Variants in GPC5 observed in about 807,000 individuals in gnomAD.
GPC5 encodes glypican 5, also known as glypican-5.
Under a neutral mutation model 53.9 loss-of-function variants are expected in GPC5, and 47 were observed. That is an observed-to-expected ratio of 0.87 (90% CI 0.69 to 1.11). The LOEUF (loss-of-function observed/expected upper bound fraction) is 1.11, where lower values mean the gene tolerates loss of function less well. Ranked by LOEUF, GPC5 falls within the 50% of genes most tolerant of loss-of-function variation. GPC5 has a pLI of 0.00. For missense variants in GPC5, 748 were observed against 713.1 expected (o/e 1.05, Z -0.56); for synonymous variants, 286 against 263.3 (o/e 1.09, Z -0.84).
intron 7 of GPC5, among the ~76,000 whole-genome samples, chr13:92,823,274 T>C (rs147470538): frequency 3.9e-5 from 6 of 152,262 alleles, no homozygotes; most frequent in African/African-American, 9.6e-5. Context: ...AAGCATTCTT[T>C]CTAAATGTCA....
At chr13:92,662,230 CTT>C (rs1886371167) in intron 7 of GPC5, among the ~76,000 whole-genome samples, 1 of 152,158 alleles carries the variant, frequency 6.6e-6, no homozygotes, top group South Asian at 2.1e-4. Flanking sequence ...AACCCCCACT[CTT>C]TCTCTCTTTC....
chr13:91,879,172 A>G (rs755338896), intron 5 of GPC5, among the ~76,000 whole-genome samples: 8 of 152,054 alleles, frequency 5.3e-5, no homozygotes, highest in Non-Finnish European at 1.2e-4. Flanking sequence ...AAGTTCTGGG[A>G]TACATGTGCG....
At chr13:92,771,061 G>A (rs1310871081) in intron 7 of GPC5, among the ~76,000 whole-genome samples, 2 of 152,138 alleles carry the variant, frequency 1.3e-5, no homozygotes, top group Non-Finnish European at 1.5e-5. Context: ...GGGAAGAGAA[G>A]AAATGCCTCA....
At chr13:92,520,102 A>C (rs1050944873) in intron 7 of GPC5, among the ~76,000 whole-genome samples, 1 of 152,182 alleles carries the variant, frequency 6.6e-6, no homozygotes, top group Non-Finnish European at 1.5e-5. Context: ...CCCTGAATAG[A>C]CCAATAACAG....
intron 7 of GPC5, among the ~76,000 whole-genome samples, chr13:92,232,571 C>A (rs2042538815): frequency 6.6e-6 from 1 of 152,148 alleles, no homozygotes. Flanking sequence ...TTACAGTTTT[C>A]TTAACAGAAA....
intron 7 of GPC5, among the ~76,000 whole-genome samples, chr13:92,259,800 C>G (rs757221820): frequency 3.3e-5 from 5 of 152,194 alleles, no homozygotes; most frequent in Non-Finnish European, 7.3e-5. Flanking sequence ...TTCACTAATT[C>G]TGTGCTTTGC....
chr13:91,680,091 A>T (rs902594644), intron 2 of GPC5, among the ~76,000 whole-genome samples: 8 of 152,208 alleles, frequency 5.3e-5, no homozygotes, highest in African/African-American at 1.7e-4. Flanking sequence ...TTGAGCTTTT[A>T]AAAGAAAACT....
intron 7 of GPC5, among the ~76,000 whole-genome samples, chr13:92,765,884 T>A (rs2138743086): frequency 6.6e-6 from 1 of 151,886 alleles, no homozygotes; most frequent in Admixed American, 6.6e-5. Context: ...AAATAAATTT[T>A]ATTAATATAA....
intron 2 of GPC5, among the ~76,000 whole-genome samples, chr13:91,479,426 AT>A (rs2139210547): frequency 6.6e-6 from 1 of 152,272 alleles, no homozygotes; most frequent in South Asian, 2.1e-4. Flanking sequence ...TTTATGAGGT[AT>A]GGGTGCATTT....
chr13:92,462,344 G>A (rs867950113), intron 7 of GPC5, among the ~76,000 whole-genome samples: 1 of 152,240 alleles, frequency 6.6e-6, no homozygotes, highest in Non-Finnish European at 1.5e-5. Flanking sequence ...GGTGAAAGGT[G>A]ATTAGAATCC....
chr13:92,855,334 A>T (rs1429754007), intron 7 of GPC5, among the ~76,000 whole-genome samples: 1 of 152,088 alleles, frequency 6.6e-6, no homozygotes, highest in Admixed American at 6.6e-5. Flanking sequence ...TTTAATATTC[A>T]ATAAAATACA....
chr13:91,763,360 T>C (rs1240887482), intron 5 of GPC5, among the ~76,000 whole-genome samples: 1 of 152,108 alleles, frequency 6.6e-6, no homozygotes, highest in African/African-American at 2.4e-5. Flanking sequence ...AAGAACCCCA[T>C]GAATCTGAAA....
chr13:92,217,368 A>C (rs2042418038), intron 7 of GPC5, among the ~76,000 whole-genome samples: 1 of 152,092 alleles, frequency 6.6e-6, no homozygotes, highest in South Asian at 2.1e-4. Context: ...TTTATCAAGA[A>C]TCCTTCATCC....
chr13:92,004,173 G>A (rs947639535), intron 6 of GPC5, among the ~76,000 whole-genome samples: 3 of 151,894 alleles, frequency 2.0e-5, no homozygotes, highest in African/African-American at 7.3e-5. Context: ...TAGGCCAGGC[G>A]CAGTAGCTCA....
At chr13:91,970,613 T>C (rs1390812368) in intron 6 of GPC5, among the ~76,000 whole-genome samples, 1 of 151,978 alleles carries the variant, frequency 6.6e-6, no homozygotes, top group Non-Finnish European at 1.5e-5. Context: ...AAATGAGGAG[T>C]AATAAAAGCA....
intron 7 of GPC5, among the ~76,000 whole-genome samples, chr13:92,791,528 G>C (rs1342090232): frequency 6.6e-6 from 1 of 151,716 alleles, no homozygotes; most frequent in Non-Finnish European, 1.5e-5. Context: ...CATTTGTAGA[G>C]AATTTTCAAA....
chr13:92,744,194 GAGA>G (rs1270345140), intron 7 of GPC5, among the ~76,000 whole-genome samples: 1 of 151,706 alleles, frequency 6.6e-6, no homozygotes, highest in Non-Finnish European at 1.5e-5. Flanking sequence ...TGTGAGAATG[GAGA>G]AGAATGATGC....
Position 92,382,002 on chromosome 13 carries a change from CTATA to C in GPC5, c.1561+237017_1561+237020del, listed in dbSNP as rs1275270597. 2.7e-4 allele frequency among the ~76,000 whole-genome samples: 40 copies of C among 146,940 alleles called. No homozygotes were observed. The East Asian group carries it at 3.8e-3, about 14-fold the overall frequency. On this transcript the variant is annotated intron_variant, in intron 7 of 7. Transcript: ENST00000377067. ...TCTATCTATCTATCTATCTATCTAT[CTATA>C]TATCTATCTGATAGAGTACTATGCA...
chr13:92,813,768 T>C (rs1414022826), intron 7 of GPC5, among the ~76,000 whole-genome samples: 1 of 152,074 alleles, frequency 6.6e-6, no homozygotes, highest in Non-Finnish European at 1.5e-5. Context: ...TGGCGAGATG[T>C]AACATGCTCA....
Sources: allele counts gnomAD v4.1 joint callset (sites outside exome capture counted in the v4.1 genomes callset), GRCh38; gene constraint gnomAD v4.1.1; transcripts MANE v1.5; gene names NCBI Gene and HGNC (gene_info 2026-07-23, HGNC 2026-07-21).